CSTF2: variants seen among roughly 807,000 people sequenced by gnomAD.
The protein encoded by CSTF2 is CF-1 64 kDa subunit.
Under a neutral mutation model 45.4 loss-of-function variants are expected in CSTF2, and 8 were observed. The observed-to-expected ratio is 0.18, with a 90% CI of 0.10 to 0.32. CSTF2 has a LOEUF of 0.32. Ranked by LOEUF, CSTF2 falls within the 10% of genes least tolerant of loss-of-function variation. The probability of loss-of-function intolerance (pLI) is 1.00; values close to 1 mark genes in which losing one functional copy is unlikely to be tolerated. For missense variants in CSTF2, 253 were observed against 477.1 expected, an observed-to-expected ratio of 0.53 and a Z score of 4.38; for synonymous variants, 155 against 158.9, an observed-to-expected ratio of 0.98 and a Z score of 0.18.
intron 9 of CSTF2, 25 bp from the exon 10 acceptor site, chrX:100,832,709 A>G (rs1486099026): frequency 8.5e-7 from 1 of 1,178,190 alleles, no homozygotes; most frequent in Non-Finnish European, 1.1e-6. Context: ...CTATTTTAAA[A>G]TACAACGTTT....
In CSTF2 at chrX:100,823,722, G is replaced by T. The variant is rs113207267; in HGVS notation, c.445-164G>T. Among the ~76,000 whole-genome samples, 489 of 112,103 alleles carry T rather than the reference G, an allele frequency of 4.4e-3. 3 individuals carry two copies. Among genetic ancestry groups the T allele is most frequent in the African/African-American group, 0.015 (461 of 30,905 alleles). ...ATGATAATATCACAGTATTTGAAAT[G>T]CCTCTTTCTTCTCTTGCCTGCCATG... On this transcript the variant is annotated intron_variant, in intron 4 of 13. Transcript: ENST00000372972.
intron 3 of CSTF2, 100 bp from the exon 4 acceptor site, chrX:100,823,190 ATT>A: frequency 2.1e-6 from 2 of 946,981 alleles, no homozygotes; most frequent in Non-Finnish European, 2.9e-6. Flanking sequence ...AGAATCTAAA[ATT>A]ATCAGCTGGT....
At chrX:100,821,863 G>A (rs1299069199) in intron 2 of CSTF2, among the ~76,000 whole-genome samples, 1 of 112,075 alleles carries the variant, frequency 8.9e-6, no homozygotes, top group Non-Finnish European at 1.9e-5. Flanking sequence ...GGAGGCCGAG[G>A]CAGGCGGATC....
At chrX:100,833,906 A>G (rs192008343) in intron 11 of CSTF2, among the ~76,000 whole-genome samples, 19 of 112,199 alleles carry the variant, frequency 1.7e-4, no homozygotes, top group Non-Finnish European at 5.6e-5. Context: ...CCTGACTGGG[A>G]ACCACTGGGT....
At chrX:100,830,710 A>G (rs902186474) in intron 8 of CSTF2, 52 of 652,409 alleles carry the variant, frequency 8.0e-5, no homozygotes, top group Non-Finnish European at 1.1e-4. Context: ...TAACTTATAT[A>G]TGTAAATCTC....
Position 100,831,564 on chromosome X carries a change from G to T in CSTF2, c.939G>T (p.Ala313=), listed in dbSNP as rs148091932. 8.3e-7 allele frequency: 1 copy of T among 1,209,664 alleles called. No individual in the cohort carries two copies. Among genetic ancestry groups the T allele is most frequent in the Non-Finnish European group, 1.1e-6 (1 of 894,910 alleles). Residue 313 remains alanine, a synonymous_variant, in exon 9 of 14, where the codon GCG becomes GCT. Coordinates refer to ENST00000372972, the MANE Select transcript of CSTF2 (RefSeq NM_001325.3). The stretch of plus-strand genomic sequence containing the variant: ...CTATGCAGCGGGGATCCTTGCCTGC[G>T]AATGTCCCAACCCCTCGAGGCTTGT... The part of the protein sequence containing the change: ...RAAMQRGSLP[A]NVPTPRGLLG...
chrX:100,825,418 A>G (rs766083011), intron 6 of CSTF2, among the ~76,000 whole-genome samples: 1 of 112,080 alleles, frequency 8.9e-6, no homozygotes, highest in African/African-American at 3.2e-5. Context: ...GGAGAAATAT[A>G]AATATATAAA....
In CSTF2 at chrX:100,832,928, G is replaced by A; in HGVS notation, c.1207+19G>A. On this transcript the variant is annotated intron_variant, in intron 10 of 13. Coordinates refer to ENST00000372972, the MANE Select transcript of CSTF2 (RefSeq NM_001325.3). Reference sequence around the variant, plus strand: ...GGCAGAGGTAAGGGGAGATCACATTGCAAATGCCATAATGAACTCAACTGT... The same window carrying A: ...GGCAGAGGTAAGGGGAGATCACATTACAAATGCCATAATGAACTCAACTGT... 1.7e-6 allele frequency: 2 copies of A among 1,173,372 alleles called. No individual in the cohort carries two copies. Among genetic ancestry groups the A allele is most frequent in the Admixed American group, 2.4e-5 (1 of 42,040 alleles).
At position 100,826,657 on chromosome X, in the gene CSTF2, A is replaced by G. The variant is rs1318748404; in HGVS notation, c.726A>G (p.Ala242=). Residue 242 remains alanine, a synonymous_variant, in exon 7 of 14, where the codon GCA becomes GCG. Transcript: ENST00000372972. ...QSLGGMHVNG[A]PPLMQASMQG... Reference sequence around the variant, plus strand: ...AGGGTGGAATGCATGTCAATGGCGCACCTCCTCTGATGCAAGCTTCTATGC... The same window carrying G: ...AGGGTGGAATGCATGTCAATGGCGCGCCTCCTCTGATGCAAGCTTCTATGC... The G allele has an allele frequency of 8.3e-7, 1 of 1,209,949 alleles. No individual in the cohort carries two copies. The highest frequency in any genetic ancestry group is 1.1e-6 in the Non-Finnish European group (1 of 894,706).
intron 13 of CSTF2, among the ~76,000 whole-genome samples, chrX:100,839,790 A>G (rs749315156): frequency 1.3e-4 from 15 of 111,897 alleles, no homozygotes; most frequent in Non-Finnish European, 2.3e-4. Flanking sequence ...TACTTAAGCC[A>G]GAGAAGGCAT....
rs111821384 is a variant in CSTF2 at position 100,840,947 on chromosome X, G to A, written c.*237G>A. The A allele has an allele frequency of 5.3e-5, 6 of 112,157 alleles. No homozygotes were observed. The highest frequency in any genetic ancestry group is 1.9e-4 in the African/African-American group (6 of 30,899). 9.2% of individuals were successfully genotyped at this position (112,157 alleles called of 1,213,427 possible). On this transcript the variant is annotated 3_prime_UTR_variant, in exon 14 of 14. Coordinates refer to ENST00000372972, the MANE Select transcript of CSTF2 (RefSeq NM_001325.3). ...TAGTACACTGCAAATTGATACACAT[G>A]ACCTTTTTGCTTTTAAAAAGCTTAA...
chrX:100,827,268 A>C (rs2084950295), intron 7 of CSTF2, among the ~76,000 whole-genome samples: 1 of 112,351 alleles, frequency 8.9e-6, no homozygotes, highest in African/African-American at 3.2e-5. Flanking sequence ...AATCAGAACA[A>C]ACAACAAAAG....
rs7062004 is a variant in CSTF2, at chrX:100,840,907, C to G, written c.*197C>G. 2 of 112,236 alleles carry G rather than the reference C, an allele frequency of 1.8e-5. No homozygotes were observed. The highest frequency in any genetic ancestry group is 3.8e-5 in the Non-Finnish European group (2 of 53,295). The allele number at this position is 112,236 out of a possible 1,213,427, so 9.2% of individuals were successfully genotyped here. A position where few individuals can be genotyped will look rare whatever the true frequency, so the allele number is the denominator to read the frequency against. ...TATATTTTCTGTGACTTGAAATAAA[C>G]TTTGAACACAATTTTAGTACACTGC... On this transcript the variant is annotated 3_prime_UTR_variant, in exon 14 of 14. Transcript: ENST00000372972.
chrX:100,827,820 T>C (rs976504270), intron 7 of CSTF2, among the ~76,000 whole-genome samples: 1 of 112,329 alleles, frequency 8.9e-6, no homozygotes, highest in African/African-American at 3.2e-5. Flanking sequence ...AAATGAATTA[T>C]TCTTATTGAA....
At chrX:100,836,357 C>T (rs1400864030) in intron 11 of CSTF2, among the ~76,000 whole-genome samples, 3 of 112,104 alleles carry the variant, frequency 2.7e-5, no homozygotes, top group Non-Finnish European at 5.6e-5. Context: ...ATAGTTATCT[C>T]CTGTTTGGTT....
At chrX:100,827,607 G>A (rs1466953373) in intron 7 of CSTF2, among the ~76,000 whole-genome samples, 2 of 112,212 alleles carry the variant, frequency 1.8e-5, no homozygotes, top group Non-Finnish European at 3.8e-5. Context: ...AGTTGATGAG[G>A]AATGGAAGAA....
chrX:100,835,211 A>G (rs2085000544), intron 11 of CSTF2, among the ~76,000 whole-genome samples: 1 of 107,026 alleles, frequency 9.3e-6, no homozygotes, highest in South Asian at 4.5e-4. Context: ...GCTGTGGTGC[A>G]TTCTGATCGC....
chrX:100,828,643 G>T (rs1315256389), intron 8 of CSTF2, among the ~76,000 whole-genome samples: 1 of 112,127 alleles, frequency 8.9e-6, no homozygotes, highest in African/African-American at 3.2e-5. Flanking sequence ...TACCGTGGCT[G>T]TACTGCTATA....
intron 6 of CSTF2, among the ~76,000 whole-genome samples, chrX:100,825,843 C>T (rs1347958303): frequency 9.0e-6 from 1 of 111,706 alleles, no homozygotes; most frequent in Non-Finnish European, 1.9e-5. Context: ...GTTAGCTGGT[C>T]CAAAAATTGA....
Sources: allele counts gnomAD v4.1 joint callset (sites outside exome capture counted in the v4.1 genomes callset), GRCh38; gene constraint gnomAD v4.1.1; transcripts MANE v1.5; gene names NCBI Gene and HGNC (gene_info 2026-07-23, HGNC 2026-07-21).